Variants in KAZN observed in about 807,000 individuals in gnomAD.
The protein encoded by KAZN is kazrin.
In KAZN, 40 loss-of-function variants were observed where a neutral mutation model predicts 87.4. That is an observed-to-expected ratio of 0.46 (90% CI 0.36 to 0.60). The LOEUF (loss-of-function observed/expected upper bound fraction) is 0.60. Ranked by LOEUF, KAZN falls within the 20% of genes least tolerant of loss-of-function variation. The pLI, the probability that KAZN is intolerant of heterozygous loss-of-function variation, is 0.00. For missense variants in KAZN, 898 were observed against 1,073.9 expected, an observed-to-expected ratio of 0.84 and a Z score of 2.29; for synonymous variants, 466 against 458.3, an observed-to-expected ratio of 1.02 and a Z score of -0.22.
chr1:15,019,473 G>A (rs1360729939), intron 2 of KAZN, among the ~76,000 whole-genome samples: 1 of 152,160 alleles, frequency 6.6e-6, no homozygotes, highest in Non-Finnish European at 1.5e-5. Flanking sequence ...ACTGCAACCT[G>A]TGTCCCCCTG....
At chr1:14,744,402 T>C (rs559463071) in intron 1 of KAZN, among the ~76,000 whole-genome samples, 2 of 151,286 alleles carry the variant, frequency 1.3e-5, no homozygotes, top group South Asian at 4.1e-4. Flanking sequence ...TAGTTTTTTT[T>C]GTTTTGTTTT....
At chr1:14,306,024 T>C (rs577820433) in intron 2 of KAZN, among the ~76,000 whole-genome samples, 1 of 152,272 alleles carries the variant, frequency 6.6e-6, no homozygotes, top group South Asian at 2.1e-4. Context: ...GTCTGATCAC[T>C]GAGCCTCCTC....
chr1:14,246,094 GT>G lies in KAZN; in HGVS notation c.249+65504del, dbSNP rs1649476078. The stretch of plus-strand genomic sequence containing the variant: ...GTAATGCAGGAACCAAACACCACAT[GT>G]TCTTACTTATAAGTGAGAGCTGAAC... On this transcript the variant is annotated intron_variant, in intron 2 of 16. Transcript: ENST00000636203. Among the ~76,000 whole-genome samples the G allele has an allele frequency of 1.3e-5, 2 of 152,174 alleles. 1 individual carries two copies. Among genetic ancestry groups the G allele is most frequent in the South Asian group, 4.1e-4 (2 of 4,830 alleles).
At chr1:15,085,420 C>T (rs1392760320) in intron 8 of KAZN, among the ~76,000 whole-genome samples, 1 of 152,098 alleles carries the variant, frequency 6.6e-6, no homozygotes, top group African/African-American at 2.4e-5. Context: ...CTCCACCTCC[C>T]AGGTACAAGC....
intron 8 of KAZN, among the ~76,000 whole-genome samples, chr1:15,093,161 G>A (rs867923037): frequency 6.6e-6 from 1 of 152,106 alleles, no homozygotes; most frequent in African/African-American, 2.4e-5. Flanking sequence ...GGTACCGCAG[G>A]TCTCTGTGGA....
intron 1 of KAZN, among the ~76,000 whole-genome samples, chr1:14,752,361 C>T (rs1400164151): frequency 6.6e-6 from 1 of 152,130 alleles, no homozygotes; most frequent in Non-Finnish European, 1.5e-5. Flanking sequence ...AGGAAACAGG[C>T]CCCAAGAGGG....
chr1:14,211,687 T>A (rs911205932), intron 2 of KAZN, among the ~76,000 whole-genome samples: 2 of 152,168 alleles, frequency 1.3e-5, no homozygotes, highest in Non-Finnish European at 2.9e-5. Flanking sequence ...GTTGTTAAAC[T>A]ATTAATAGCT....
At chr1:14,493,502 G>A (rs1283195049) in intron 2 of KAZN, among the ~76,000 whole-genome samples, 1 of 150,894 alleles carries the variant, frequency 6.6e-6, no homozygotes, top group Non-Finnish European at 1.5e-5. Flanking sequence ...GGGGAAAGAA[G>A]AGTGGGGAGA....
rs373920040 is a variant in KAZN, at chr1:15,080,944, G to A, written c.1223-13236G>A. On this transcript the variant is annotated intron_variant, in intron 8 of 14. Transcript: ENST00000376030. Reference sequence around the variant, plus strand: ...TACATGTCCTACGATGCACGGGACAGCCCCATGACAAAGAAATCTGGCCCC... The same window carrying A: ...TACATGTCCTACGATGCACGGGACAACCCCATGACAAAGAAATCTGGCCCC... Among the ~76,000 whole-genome samples the A allele has an allele frequency of 5.9e-5, 9 of 152,360 alleles. No homozygotes were observed. The East Asian group carries it at 1.7e-3, about 29-fold the overall frequency.
At chr1:14,411,054 G>A (rs757200788) in intron 2 of KAZN, among the ~76,000 whole-genome samples, 96 of 152,242 alleles carry the variant, frequency 6.3e-4, no homozygotes, top group African/African-American at 2.3e-3. Flanking sequence ...CAAGTTACAG[G>A]AAAGATAAAT....
chr1:14,830,970 G>C (rs780261932), intron 1 of KAZN, among the ~76,000 whole-genome samples: 3 of 152,202 alleles, frequency 2.0e-5, no homozygotes, highest in Non-Finnish European at 2.9e-5. Flanking sequence ...TGTTCCCCCA[G>C]CTCCAGCCCT....
chr1:15,042,501 C>T (rs2100322748), intron 3 of KAZN, among the ~76,000 whole-genome samples: 1 of 152,280 alleles, frequency 6.6e-6, no homozygotes, highest in Admixed American at 6.5e-5. Context: ...GTGAGGCGAG[C>T]AGGTGCCTGC....
At chr1:14,452,043 G>T (rs745494876) in intron 2 of KAZN, among the ~76,000 whole-genome samples, 1 of 152,118 alleles carries the variant, frequency 6.6e-6, no homozygotes, top group Non-Finnish European at 1.5e-5. Flanking sequence ...GGATTCTAGC[G>T]ATTCTCCTGC....
At chr1:14,385,458 A>C (rs2101065589) in intron 2 of KAZN, among the ~76,000 whole-genome samples, 1 of 152,184 alleles carries the variant, frequency 6.6e-6, no homozygotes, top group South Asian at 2.1e-4. Context: ...TTAGTGCTAT[A>C]AATTTCCCTC....
At chr1:14,304,662 C>T (rs575979206) in intron 2 of KAZN, 11 of 398,430 alleles carry the variant, frequency 2.8e-5, no homozygotes, top group African/African-American at 1.0e-4. Context: ...CTTCTGAAAC[C>T]GGTGAGCTTC....
At chr1:14,100,102 C>T (rs1008494610) in intron 1 of KAZN, among the ~76,000 whole-genome samples, 10 of 152,176 alleles carry the variant, frequency 6.6e-5, no homozygotes, top group African/African-American at 2.4e-4. Flanking sequence ...CAAACCCCTG[C>T]CCTCCCACCA....
At chr1:14,417,577 T>C (rs185590595) in intron 2 of KAZN, among the ~76,000 whole-genome samples, 9 of 152,158 alleles carry the variant, frequency 5.9e-5, no homozygotes, top group African/African-American at 1.9e-4. Context: ...TCCTGGCTGG[T>C]TGGAGTCAAA....
At chr1:14,867,107 C>A (rs192421317) in intron 1 of KAZN, among the ~76,000 whole-genome samples, 20 of 152,252 alleles carry the variant, frequency 1.3e-4, no homozygotes, top group African/African-American at 4.3e-4. Flanking sequence ...TTTTTCCAGG[C>A]CTCCTCTGCT....
chr1:14,285,866 T>C (rs992721366), intron 2 of KAZN, among the ~76,000 whole-genome samples: 1 of 152,138 alleles, frequency 6.6e-6, no homozygotes, highest in South Asian at 2.1e-4. Context: ...AGAGCTGACT[T>C]GGAGTCAGCA....
Sources: gnomAD v4.1 joint callset for allele counts (sites outside exome capture counted in the v4.1 genomes callset) on GRCh38, gnomAD v4.1.1 for gene constraint, MANE v1.5 for transcripts, NCBI Gene and HGNC (gene_info 2026-07-23, HGNC 2026-07-21) for gene names.